RIT2: variants seen among roughly 807,000 people sequenced by gnomAD.
RIT2 encodes the protein Ras like without CAAX 2.
Under a neutral mutation model 23.7 loss-of-function variants are expected in RIT2, and 24 were observed. That is an observed-to-expected ratio of 1.01 (90% confidence interval 0.73 to 1.43). The LOEUF is 1.43. Among genes scored for constraint, RIT2 ranks in the 40% most tolerant of loss-of-function variants. The probability of loss-of-function intolerance (pLI) is 0.00; values close to 1 mark genes in which losing one functional copy is unlikely to be tolerated. For synonymous variants in RIT2, 107 were observed against 91.1 expected, an observed-to-expected ratio of 1.17 and a Z score of -0.99; for missense variants, 236 against 266.9, an observed-to-expected ratio of 0.88 and a Z score of 0.81.
intron 4 of RIT2, among the ~76,000 whole-genome samples, chr18:42,889,383 C>A (rs1317506223): frequency 6.6e-6 from 1 of 151,906 alleles, no homozygotes; most frequent in African/African-American, 2.4e-5. Flanking sequence ...TGATTTCACT[C>A]CACCTTAGAT....
chr18:42,937,027 G>GA (rs899904736), intron 3 of RIT2, among the ~76,000 whole-genome samples: 3 of 149,936 alleles, frequency 2.0e-5, no homozygotes, highest in African/African-American at 7.4e-5. Context: ...AAAAAAAAAA[G>GA]GAGAGAGAGA....
chr18:43,083,518 G>A (rs58917110), intron 1 of RIT2, among the ~76,000 whole-genome samples: 2,743 of 152,174 alleles, frequency 0.018, 87 homozygotes, highest in African/African-American at 0.061. Flanking sequence ...CGTGGTGCTC[G>A]TACCAAAACA....
intron 3 of RIT2, among the ~76,000 whole-genome samples, chr18:42,970,358 A>G (rs1910332965): frequency 6.6e-6 from 1 of 152,102 alleles, no homozygotes; most frequent in South Asian, 2.1e-4. Context: ...CATGTAGCAG[A>G]AGAGTTAAGT....
intron 4 of RIT2, among the ~76,000 whole-genome samples, chr18:42,901,624 C>T (rs1404041313): frequency 6.6e-6 from 1 of 151,832 alleles, no homozygotes; most frequent in East Asian, 1.9e-4. Context: ...AGATGTGTCA[C>T]CATTTAAAAA....
chr18:42,834,747 T>C (rs1410711190), intron 4 of RIT2, among the ~76,000 whole-genome samples: 1 of 152,180 alleles, frequency 6.6e-6, no homozygotes, highest in Non-Finnish European at 1.5e-5. Flanking sequence ...AGTGAGGCAC[T>C]ATACTATTTT....
chr18:42,892,046 G>GA (rs537286939), intron 4 of RIT2, among the ~76,000 whole-genome samples: 22 of 149,504 alleles, frequency 1.5e-4, no homozygotes, highest in East Asian at 3.9e-4. Context: ...ATAAACCTAA[G>GA]AAAAAAAAAC....
intron 4 of RIT2, among the ~76,000 whole-genome samples, chr18:42,834,198 A>G (rs1399507228): frequency 6.6e-6 from 1 of 152,190 alleles, no homozygotes; most frequent in Non-Finnish European, 1.5e-5. Context: ...TCACAAGGAG[A>G]ACAGCATAGG....
At chr18:42,833,053 C>CAAA (rs35952869) in intron 4 of RIT2, among the ~76,000 whole-genome samples, 45 of 77,822 alleles carry the variant, frequency 5.8e-4, no homozygotes, top group African/African-American at 1.4e-3. Flanking sequence ...GACTTCATCT[C>CAAA]AAAAAAAAAA....
chr18:42,957,635 T>C (rs1451822366), intron 3 of RIT2, among the ~76,000 whole-genome samples: 2 of 151,946 alleles, frequency 1.3e-5, no homozygotes, highest in African/African-American at 2.4e-5. Context: ...AATGCAAAAA[T>C]TAGCCAGGCA....
intron 2 of RIT2, among the ~76,000 whole-genome samples, chr18:43,004,147 A>G (rs1372701281): frequency 6.6e-6 from 1 of 151,802 alleles, no homozygotes; most frequent in Non-Finnish European, 1.5e-5. Flanking sequence ...GTATTTATGA[A>G]AAGGGCTTTC....
intron 4 of RIT2, among the ~76,000 whole-genome samples, chr18:42,901,708 A>G (rs1908480267): frequency 6.6e-6 from 1 of 152,020 alleles, no homozygotes; most frequent in Non-Finnish European, 1.5e-5. Context: ...CTGTTTTGCT[A>G]AAAGGTCAAT....
chr18:42,936,557 C>T (rs1909463711), intron 3 of RIT2, among the ~76,000 whole-genome samples: 1 of 152,176 alleles, frequency 6.6e-6, no homozygotes, highest in Admixed American at 6.5e-5. Flanking sequence ...ATCTTTCTAA[C>T]TACTCGGAAA....
intron 2 of RIT2, among the ~76,000 whole-genome samples, chr18:42,978,029 C>T (rs1910512886): frequency 6.6e-6 from 1 of 151,704 alleles, no homozygotes; most frequent in Non-Finnish European, 1.5e-5. Context: ...AGAATAGTTA[C>T]TCTGAAAAGG....
intron 4 of RIT2, among the ~76,000 whole-genome samples, chr18:42,778,148 T>C (rs776642966): frequency 2.6e-5 from 4 of 152,180 alleles, no homozygotes; most frequent in African/African-American, 4.8e-5. Flanking sequence ...TCTACACAAG[T>C]ACTCTAAAAT....
At chr18:42,757,051 A>T (rs1378059632) in intron 4 of RIT2, among the ~76,000 whole-genome samples, 1 of 152,206 alleles carries the variant, frequency 6.6e-6, no homozygotes, top group South Asian at 2.1e-4. Flanking sequence ...TTGCAAGTGA[A>T]CCATGTTCAA....
chr18:43,011,622 T>C (rs1911353531), intron 2 of RIT2, among the ~76,000 whole-genome samples: 1 of 151,776 alleles, frequency 6.6e-6, no homozygotes, highest in South Asian at 2.1e-4. Context: ...GAAAATAAAA[T>C]ATTCCTAGGC....
chr18:42,884,490 T>C (rs1264085412), intron 4 of RIT2, among the ~76,000 whole-genome samples: 2 of 152,218 alleles, frequency 1.3e-5, no homozygotes, highest in Non-Finnish European at 1.5e-5. Context: ...TCATCATGGC[T>C]GTTCATGTTA....
At chr18:43,071,169 T>C (rs1912888466) in intron 1 of RIT2, among the ~76,000 whole-genome samples, 1 of 152,208 alleles carries the variant, frequency 6.6e-6, no homozygotes. Flanking sequence ...AGGTTTGCTT[T>C]AGTGGTTCAG....
At chr18:43,108,058 C>T (rs1480917262) in intron 1 of RIT2, among the ~76,000 whole-genome samples, 2 of 150,162 alleles carry the variant, frequency 1.3e-5, no homozygotes, top group Non-Finnish European at 3.0e-5. Flanking sequence ...ACTGTAGTCC[C>T]AGTTATTCGG....
Sources: gnomAD v4.1 joint callset for allele counts (sites outside exome capture counted in the v4.1 genomes callset) on GRCh38, gnomAD v4.1.1 for gene constraint, MANE v1.5 for transcripts, NCBI Gene and HGNC (gene_info 2026-07-23, HGNC 2026-07-21) for gene names.